The following PATJ variants were observed in gnomAD, a reference collection of about 807,000 sequenced individuals.
The protein encoded by PATJ is inaD-like protein.
A neutral mutation model predicts 224.9 loss-of-function variants in PATJ; 190 were observed. The observed-to-expected ratio is 0.84, with a 90% CI of 0.75 to 0.95. The LOEUF (loss-of-function observed/expected upper bound fraction) is 0.95, where lower values mean the gene tolerates loss of function less well. Ranked by LOEUF, PATJ falls within the 40% of genes least tolerant of loss-of-function variation. The pLI, the probability that PATJ is intolerant of heterozygous loss-of-function variation, is 0.00. For synonymous variants in PATJ, 769 were observed against 820.3 expected (o/e 0.94, Z 1.07); for missense variants, 2,121 against 2,270.3 (o/e 0.93, Z 1.34).
At chr1:62,029,286 C>T (rs1648719745) in intron 29 of PATJ, among the ~76,000 whole-genome samples, 1 of 152,182 alleles carries the variant, frequency 6.6e-6, no homozygotes. Context: ...TGGCATTCTA[C>T]AAACATACAC....
In PATJ at chr1:61,980,437, T is replaced by TTGTGTGTGTGTGTG; in HGVS notation, c.3671-9702_3671-9689dup. On this transcript the variant is annotated intron_variant, in intron 27 of 43. Transcript: ENST00000642238. Reference sequence around the variant, plus strand: ...TGCCAAAAGCTAGTACTTATATAATTTGTGTGTGTGTGTGTGTGTGTGTGT... The same window carrying TTGTGTGTGTGTGTG: ...TGCCAAAAGCTAGTACTTATATAATTTGTGTGTGTGTGTGTGTGTGTGTGTGTGTGTGTGTGTGT... 1.5e-5 allele frequency among the ~76,000 whole-genome samples: 2 copies of TTGTGTGTGTGTGTG among 129,650 alleles called. 1 individual carries two copies. Among genetic ancestry groups the TTGTGTGTGTGTGTG allele is most frequent in the South Asian group, 5.9e-4 (2 of 3,378 alleles). The allele number at this position is 129,650 out of a possible 152,430, so 85.1% of individuals were successfully genotyped here. A position where few individuals can be genotyped will look rare whatever the true frequency, so the allele number is the denominator to read the frequency against.
At chr1:62,110,455 G>A (rs926439943) in intron 34 of PATJ, among the ~76,000 whole-genome samples, 2 of 152,222 alleles carry the variant, frequency 1.3e-5, no homozygotes, top group African/African-American at 4.8e-5. Context: ...AGAGTCCTCC[G>A]CATTCCGCAA....
chr1:61,801,898 A>G (rs1652589111), intron 12 of PATJ, 129 bp downstream of exon 12: 13 of 593,578 alleles, frequency 2.2e-5, no homozygotes, highest in Non-Finnish European at 3.5e-5. Context: ...TATTCTTAAT[A>G]TCAACTTTTT....
rs1356937495 is a variant in PATJ, at chr1:62,106,158, G to GTGTGTATATATATATATATATA, written c.4378-2278_4378-2277insGTGTATATATATATATATATAT. Among the ~76,000 whole-genome samples the GTGTGTATATATATATATATATA allele has an allele frequency of 6.9e-4, 33 of 48,056 alleles. 2 individuals carry two copies. Among genetic ancestry groups the GTGTGTATATATATATATATATA allele is most frequent in the Non-Finnish European group, 1.2e-3 (27 of 22,808 alleles). 31.5% of individuals were successfully genotyped at this position (48,056 alleles called of 152,430 possible). On this transcript the variant is annotated intron_variant, in intron 33 of 43. Transcript: ENST00000642238. The stretch of plus-strand genomic sequence containing the variant: ...TACATGTGTATATGTGTGTGTGTGT[G>GTGTGTATATATATATATATATA]TATATATATATATATATATATATAT...
intron 17 of PATJ, among the ~76,000 whole-genome samples, chr1:61,842,504 T>C (rs1661262907): frequency 6.6e-6 from 1 of 152,124 alleles, no homozygotes; most frequent in African/African-American, 2.4e-5. Context: ...GAAGGCATTG[T>C]TGAGGAGGAG....
intron 19 of PATJ, 121 bp downstream of exon 19, chr1:61,861,788 A>G: frequency 1.9e-6 from 1 of 521,326 alleles, no homozygotes; most frequent in Middle Eastern, 5.5e-4. Flanking sequence ...GTAGAAATAA[A>G]TAAAGACATA....
chr1:61,892,944 C>G (rs1435516592), intron 22 of PATJ, among the ~76,000 whole-genome samples: 1 of 152,164 alleles, frequency 6.6e-6, no homozygotes, highest in Non-Finnish European at 1.5e-5. Context: ...ATTGATCATA[C>G]TTAGTGACAG....
At chr1:62,084,386 T>TCATGGTGTTTGGCAGGAAAAGAAG in intron 32 of PATJ, 129 bp from the exon 33 acceptor site, 1 of 953,088 alleles carries the variant, frequency 1.0e-6, no homozygotes, top group Non-Finnish European at 1.5e-6. Flanking sequence ...GCTTTTTGCT[T>TCATGGTGTTTGGCAGGAAAAGAAG]CATGGTGTTT....
intron 25 of PATJ, among the ~76,000 whole-genome samples, chr1:61,913,358 G>A (rs903812863): frequency 2.0e-5 from 3 of 152,122 alleles, no homozygotes; most frequent in African/African-American, 4.8e-5. Flanking sequence ...ACAGGCGCAC[G>A]CCAACACACC....
chr1:62,070,594 G>A (rs1558126239), intron 31 of PATJ, among the ~76,000 whole-genome samples: 2 of 152,176 alleles, frequency 1.3e-5, no homozygotes, highest in Admixed American at 1.3e-4. Context: ...TTCATCTTGT[G>A]GAAGGGGCAC....
At chr1:62,019,072 G>A (rs560071742) in intron 29 of PATJ, among the ~76,000 whole-genome samples, 2 of 152,112 alleles carry the variant, frequency 1.3e-5, no homozygotes, top group South Asian at 2.1e-4. Context: ...GCGAAACCCT[G>A]TCTCTACTAA....
At chr1:61,911,947 A>G (rs2149218388) in intron 25 of PATJ, among the ~76,000 whole-genome samples, 1 of 149,602 alleles carries the variant, frequency 6.7e-6, no homozygotes, top group African/African-American at 2.4e-5. Flanking sequence ...TTTTTTACAT[A>G]AATGACACAT....
chr1:61,955,041 C>G (rs964255541), intron 27 of PATJ, among the ~76,000 whole-genome samples: 1 of 152,224 alleles, frequency 6.6e-6, no homozygotes, highest in Non-Finnish European at 1.5e-5. Flanking sequence ...GCGTGAGCCA[C>G]TGTGCCTGGC....
chr1:61,872,795 G>C (rs921717450), intron 20 of PATJ, among the ~76,000 whole-genome samples: 2 of 152,140 alleles, frequency 1.3e-5, no homozygotes, highest in African/African-American at 4.8e-5. Flanking sequence ...CCACTACAGT[G>C]TTCTTTCTGT....
chr1:61,993,575 G>A (rs897113525), intron 28 of PATJ, among the ~76,000 whole-genome samples: 3 of 151,756 alleles, frequency 2.0e-5, no homozygotes, highest in Non-Finnish European at 4.4e-5. Flanking sequence ...TAGAACAAAA[G>A]ACACTCTTGT....
In PATJ at chr1:62,106,077, T is replaced by TACACAC. The variant is rs1230033683; in HGVS notation, c.4378-2359_4378-2358insCACACA. On this transcript the variant is annotated intron_variant, in intron 33 of 43. Coordinates refer to ENST00000642238, the MANE Select transcript of PATJ (RefSeq NM_001350145.3). The stretch of plus-strand genomic sequence containing the variant: ...AAAAAAAAAAAAATATATATATATA[T>TACACAC]ATACACACACACACACACACACACA... Among the ~76,000 whole-genome samples the TACACAC allele has an allele frequency of 3.7e-3, 61 of 16,486 alleles. 2 individuals carry two copies. Among genetic ancestry groups the TACACAC allele is most frequent in the East Asian group, 0.011 (3 of 274 alleles). The allele number at this position is 16,486 out of a possible 152,430, so 10.8% of individuals were successfully genotyped here.
intron 17 of PATJ, among the ~76,000 whole-genome samples, chr1:61,847,901 T>G (rs1470678293): frequency 6.6e-6 from 1 of 151,990 alleles, no homozygotes; most frequent in African/African-American, 2.4e-5. Flanking sequence ...AAGATATATC[T>G]TATCAAAAAA....
At chr1:62,063,774 G>A (rs915752603) in intron 31 of PATJ, among the ~76,000 whole-genome samples, 2 of 152,048 alleles carry the variant, frequency 1.3e-5, no homozygotes, top group South Asian at 2.1e-4. Flanking sequence ...ATTGTAAATG[G>A]GATTGCATTC....
At chr1:62,013,727 C>T (rs1334876166) in intron 28 of PATJ, among the ~76,000 whole-genome samples, 4 of 152,192 alleles carry the variant, frequency 2.6e-5, no homozygotes, top group Non-Finnish European at 1.5e-5. Flanking sequence ...CATAGACATT[C>T]ACAAATGCTT....
Sources: allele counts gnomAD v4.1 joint callset (sites outside exome capture counted in the v4.1 genomes callset), GRCh38; gene constraint gnomAD v4.1.1; transcripts MANE v1.5; gene names NCBI Gene and HGNC (gene_info 2026-07-23, HGNC 2026-07-21).